REPS2: variants seen among roughly 807,000 people sequenced by gnomAD.
The protein encoded by REPS2 is ralBP1-associated Eps domain-containing protein 2.
A neutral mutation model predicts 53.6 loss-of-function variants in REPS2; 23 were observed. The ratio of observed to expected loss-of-function variants is 0.43; its 90% CI spans 0.31 to 0.61. The LOEUF is 0.61. Ranked by LOEUF, REPS2 falls within the 20% of genes least tolerant of loss-of-function variation. REPS2 has a pLI of 0.11. For synonymous variants in REPS2, 238 were observed against 218.6 expected (o/e 1.09, Z -0.78); for missense variants, 446 against 534.9 (o/e 0.83, Z 1.64).
intron 1 of REPS2, among the ~76,000 whole-genome samples, chrX:16,968,743 G>A (rs2060824616): frequency 9.8e-6 from 1 of 102,196 alleles, no homozygotes; most frequent in East Asian, 3.3e-4. Context: ...GCCGGGCAGA[G>A]GGGCTCCTCA....
intron 1 of REPS2, among the ~76,000 whole-genome samples, chrX:16,998,711 G>A (rs1420896165): frequency 4.5e-5 from 5 of 111,754 alleles, no homozygotes; most frequent in Non-Finnish European, 9.4e-5. Flanking sequence ...CAAGACACAC[G>A]TAGTACTAGC....
At chrX:17,134,206 A>G (rs1351258699) in intron 15 of REPS2, among the ~76,000 whole-genome samples, 2 of 111,287 alleles carry the variant, frequency 1.8e-5, no homozygotes, top group Admixed American at 1.9e-4. Flanking sequence ...AGATGTCTTT[A>G]GCAAAACCCC....
At chrX:17,119,634 A>G (rs2063112299) in intron 14 of REPS2, among the ~76,000 whole-genome samples, 1 of 111,356 alleles carries the variant, frequency 9.0e-6, no homozygotes, top group Non-Finnish European at 1.9e-5. Context: ...AACACTATCT[A>G]TTCTATAGTC....
At chrX:17,061,034 T>C (rs2062151457) in intron 8 of REPS2, among the ~76,000 whole-genome samples, 1 of 110,645 alleles carries the variant, frequency 9.0e-6, no homozygotes, top group Non-Finnish European at 1.9e-5. Context: ...TTGACAAAAT[T>C]ATAGTTTTGG....
intron 13 of REPS2, among the ~76,000 whole-genome samples, chrX:17,101,354 G>A (rs776890124): frequency 9.0e-5 from 10 of 111,114 alleles, no homozygotes; most frequent in Non-Finnish European, 1.3e-4. Context: ...GAGCCATCGC[G>A]CCAGGCCTCT....
At chrX:17,095,414 G>T (rs760684384) in intron 13 of REPS2, among the ~76,000 whole-genome samples, 1 of 111,498 alleles carries the variant, frequency 9.0e-6, no homozygotes, top group Non-Finnish European at 1.9e-5. Context: ...TCTGGGCCTG[G>T]TGCCTTCCCT....
chrX:17,142,208 A>G (rs1253668051), intron 17 of REPS2, among the ~76,000 whole-genome samples: 3 of 112,222 alleles, frequency 2.7e-5, no homozygotes, highest in Admixed American at 9.4e-5. Context: ...CTATACAGAG[A>G]TTAACTTGAA....
At chrX:16,955,768 G>A (rs1022298803) in intron 1 of REPS2, among the ~76,000 whole-genome samples, 18 of 111,643 alleles carry the variant, frequency 1.6e-4, no homozygotes, top group African/African-American at 5.5e-4. Flanking sequence ...TCAAGGGGAG[G>A]GGATTATACA....
At chrX:16,976,065 CT>C (rs2060951202) in intron 1 of REPS2, among the ~76,000 whole-genome samples, 1 of 111,882 alleles carries the variant, frequency 8.9e-6, no homozygotes, top group Non-Finnish European at 1.9e-5. Context: ...ACCATATCTA[CT>C]AAACAGTAAC....
chrX:17,137,354 T>G lies in REPS2; in HGVS notation c.1809-1502T>G, dbSNP rs776885902. On this transcript the variant is annotated intron_variant, in intron 16 of 17. Transcript: ENST00000357277. ...GTGAAGTGTGATCTCATGGTTTTGA[T>G]TTGCATTTCTTTTGTGGCTAACGAC... is the stretch of plus-strand genomic sequence containing the variant. 7.1e-5 allele frequency: 8 copies of G among 112,202 alleles called. 1 individual carries two copies. The highest frequency in any genetic ancestry group is 4.6e-3 in the Middle Eastern group (1 of 216). 9.2% of individuals were successfully genotyped at this position (112,202 alleles called of 1,213,427 possible).
rs191798507 is a variant in REPS2, at chrX:17,043,160, C to T, written c.772-4187C>T. Among the ~76,000 whole-genome samples the T allele has an allele frequency of 9.8e-4, 108 of 110,582 alleles. 1 individual carries two copies. The highest frequency in any genetic ancestry group is 7.7e-4 in the Admixed American group (8 of 10,343). ...TAGTAAATCAATTTCAAGCATACAG[C>T]GAGAAGCAAGGGGAAAGAGATGGGG... On this transcript the variant is annotated intron_variant, in intron 5 of 17. Transcript: ENST00000357277.
chrX:17,099,496 T>C (rs749328860), intron 13 of REPS2, among the ~76,000 whole-genome samples: 1 of 111,975 alleles, frequency 8.9e-6, no homozygotes, highest in East Asian at 2.8e-4. Flanking sequence ...GTTCTGCAAG[T>C]TTTGTCCTTC....
chrX:17,153,804 C>A (rs1268184632), downstream of REPS2, among the ~76,000 whole-genome samples: 1 of 110,995 alleles, frequency 9.0e-6, no homozygotes, highest in East Asian at 2.8e-4. Context: ...CTAGTAGTCC[C>A]AAAGGACAAA....
Position 16,947,101 on chromosome X carries a change from G to T in REPS2, c.240G>T (p.Arg80=). Residue 80 remains arginine, a synonymous_variant, in exon 1 of 18, where the codon CGG becomes CGT. Transcript: ENST00000357277. ...CCGGCCCCGTGGCTGACCTGTTTCG[G>T]GCATCGCAGCTGCCCGCCGAGACGC... ...AAAGPVADLF[R]ASQLPAETLH... 9.1e-7 allele frequency: 1 copy of T among 1,100,702 alleles called. No homozygotes were observed. The highest frequency in any genetic ancestry group is 1.2e-6 in the Non-Finnish European group (1 of 846,739). The allele number at this position is 1,100,702 out of a possible 1,213,427, so 90.7% of individuals were successfully genotyped here.
the REPS2 span, among the ~76,000 whole-genome samples, chrX:17,184,030 C>CT: frequency 1.9e-3 from 198 of 102,161 alleles, 1 homozygote; most frequent in African/African-American, 4.9e-3. Flanking sequence ...CTCTTTGTTT[C>CT]TTTTTTTTTT....
At chrX:17,063,027 G>A (rs1394237823) in intron 9 of REPS2, among the ~76,000 whole-genome samples, 1 of 112,099 alleles carries the variant, frequency 8.9e-6, no homozygotes, top group East Asian at 2.8e-4. Context: ...ACCAAATGAG[G>A]ACTGATTTGG....
intron 1 of REPS2, 107 bp downstream of exon 1, chrX:16,947,241 GC>G: frequency 1.1e-6 from 1 of 916,531 alleles, no homozygotes; most frequent in Non-Finnish European, 1.3e-6. Context: ...GGAGGCCTCG[GC>G]CAGTTCTGAG....
chrX:17,122,726 A>G (rs1339913543), intron 14 of REPS2, among the ~76,000 whole-genome samples: 4 of 112,496 alleles, frequency 3.6e-5, no homozygotes, highest in African/African-American at 1.3e-4. Flanking sequence ...AACTCTTAAC[A>G]TAATTTTTAT....
chrX:17,042,116 A>G (rs889274453), intron 5 of REPS2, among the ~76,000 whole-genome samples: 2 of 112,176 alleles, frequency 1.8e-5, no homozygotes, highest in African/African-American at 6.5e-5. Flanking sequence ...AACCATATGT[A>G]TGTGGCTTAA....
Sources: gnomAD v4.1 joint callset for allele counts (sites outside exome capture counted in the v4.1 genomes callset) on GRCh38, gnomAD v4.1.1 for gene constraint, MANE v1.5 for transcripts, NCBI Gene and HGNC (gene_info 2026-07-23, HGNC 2026-07-21) for gene names.